Variants in MPP7 observed in about 807,000 individuals in gnomAD.
MPP7 encodes MAGUK p55 scaffold protein 7, also known as MAGUK p55 subfamily member 7.
MPP7 carries 60 observed loss-of-function variants against 76.5 expected under a neutral mutation model. That is an observed-to-expected ratio of 0.78 (90% CI 0.64 to 0.97). MPP7 has a LOEUF of 0.97. MPP7 is among the 50% of genes least tolerant of loss of function. The probability of loss-of-function intolerance (pLI) is 0.00; values close to 1 mark genes in which losing one functional copy is unlikely to be tolerated. For synonymous variants in MPP7, 237 were observed against 244.5 expected (o/e 0.97, Z 0.29); for missense variants, 641 against 694.0 (o/e 0.92, Z 0.86).
chr10:28,109,861 A>C (rs1038478053), intron 11 of MPP7, among the ~76,000 whole-genome samples: 1 of 145,806 alleles, frequency 6.9e-6, no homozygotes, highest in Admixed American at 6.9e-5. Flanking sequence ...AAAAAAAAAA[A>C]AAAAAAAAAA....
rs770687923 is a variant in MPP7, at chr10:28,119,684, C to A, written c.919G>T (p.Val307Phe). The change falls in exon 11 of 17, where the codon GTT becomes TTT. Residue 307 changes from valine to phenylalanine, a missense_variant. Transcript: ENST00000683449. Reference sequence around the variant, plus strand: ...CTGTTGGAAACTTTCAGGGGCTGAACCAATATTTCTGGTCGTCTCAAAGCC... The same window carrying A: ...CTGTTGGAAACTTTCAGGGGCTGAAACAATATTTCTGGTCGTCTCAAAGCC... Reference protein sequence around the residue: ...RLALRRPEILVQPLKVSNRKS... With the variant: ...RLALRRPEILFQPLKVSNRKS... 1.2e-6 allele frequency: 2 copies of A among 1,613,660 alleles called. No homozygotes were observed. The highest frequency in any genetic ancestry group is 1.7e-6 in the Non-Finnish European group (2 of 1,179,780).
chr10:28,118,528 C>G, intron 11 of MPP7: 1 of 985,394 alleles, frequency 1.0e-6, no homozygotes, highest in Non-Finnish European at 1.2e-6. Context: ...AGGCAAGGAG[C>G]CTCAAAGCTC....
At chr10:28,281,894 T>C (rs1278364630) in intron 1 of MPP7, 1 of 152,090 alleles carries the variant, frequency 6.6e-6, no homozygotes, top group Non-Finnish European at 1.5e-5. Context: ...CCTAACGTTT[T>C]CAGTTGCATG....
At chr10:28,315,951 A>G (rs1350612810) in intron 2 of MPP7, among the ~76,000 whole-genome samples, 1 of 152,176 alleles carries the variant, frequency 6.6e-6, no homozygotes, top group African/African-American at 2.4e-5. Context: ...AACATCAGAC[A>G]AATGCCAATC....
At chr10:28,234,209 T>C (rs1385909307) in intron 2 of MPP7, among the ~76,000 whole-genome samples, 1 of 152,066 alleles carries the variant, frequency 6.6e-6, no homozygotes, top group African/African-American at 2.4e-5. Context: ...TGAGCCCACA[T>C]TGATGGGGGT....
At chr10:28,122,342 A>T (rs1192861470) in intron 8 of MPP7, among the ~76,000 whole-genome samples, 1 of 152,196 alleles carries the variant, frequency 6.6e-6, no homozygotes, top group Non-Finnish European at 1.5e-5. Flanking sequence ...TGGATGAATG[A>T]TTATTTGATC....
chr10:28,149,906 TCTGCA>T (rs72381252), intron 4 of MPP7, 71 bp downstream of exon 4: 219,761 of 1,083,404 alleles, frequency 0.2, 22,134 homozygotes, highest in East Asian at 0.36. Context: ...CACGCATCTG[TCTGCA>T]CTAGGACAGG....
intron 1 of MPP7, among the ~76,000 whole-genome samples, chr10:28,331,416 G>T (rs1019777051): frequency 6.6e-6 from 1 of 152,036 alleles, no homozygotes; most frequent in African/African-American, 2.4e-5. Context: ...GAATTATAAG[G>T]CAAGAAACCA....
intron 1 of MPP7, among the ~76,000 whole-genome samples, chr10:28,263,947 A>G (rs117815441): frequency 0.012 from 1,796 of 152,268 alleles, 16 homozygotes; most frequent in Non-Finnish European, 0.019. Flanking sequence ...CAGAGCTTCA[A>G]TCCCCAGAAA....
At chr10:28,121,293 G>A (rs1588803453) in intron 8 of MPP7, among the ~76,000 whole-genome samples, 2 of 145,318 alleles carry the variant, frequency 1.4e-5, no homozygotes, top group Non-Finnish European at 3.0e-5. Context: ...AAAGAATAAT[G>A]TACAAGGTTC....
At chr10:28,160,831 T>C (rs909978249) in intron 3 of MPP7, among the ~76,000 whole-genome samples, 2 of 152,142 alleles carry the variant, frequency 1.3e-5, no homozygotes, top group Non-Finnish European at 2.9e-5. Context: ...AGGTGTTACT[T>C]TTCTAAAAAA....
chr10:28,191,029 T>C (rs947078672), intron 3 of MPP7, among the ~76,000 whole-genome samples: 6 of 152,130 alleles, frequency 3.9e-5, no homozygotes, highest in African/African-American at 1.4e-4. Flanking sequence ...ATTTGATAAG[T>C]TAGATGATAT....
chr10:28,266,748 T>C (rs12358648), intron 1 of MPP7, among the ~76,000 whole-genome samples: 12,969 of 152,258 alleles, frequency 0.085, 719 homozygotes, highest in Non-Finnish European at 0.12. Context: ...ACCATATGTG[T>C]ACCCCAATCA....
chr10:28,216,412 T>C (rs1308938794), intron 2 of MPP7, among the ~76,000 whole-genome samples: 2 of 152,192 alleles, frequency 1.3e-5, no homozygotes, highest in Non-Finnish European at 2.9e-5. Flanking sequence ...ATAGTATGTA[T>C]CTATTAACAA....
intron 2 of MPP7, among the ~76,000 whole-genome samples, chr10:28,235,744 A>G (rs1375257186): frequency 6.6e-6 from 1 of 152,214 alleles, no homozygotes; most frequent in East Asian, 1.9e-4. Context: ...GAAGAAAGGT[A>G]GCATGCACCA....
intron 1 of MPP7, among the ~76,000 whole-genome samples, chr10:28,245,956 G>GA (rs1001287012): frequency 6.1e-4 from 93 of 151,640 alleles, no homozygotes; most frequent in African/African-American, 2.0e-3. Flanking sequence ...GAGCAAAAGC[G>GA]AAAAAACAAT....
intron 13 of MPP7, among the ~76,000 whole-genome samples, chr10:28,063,778 T>A (rs1851887792): frequency 1.3e-5 from 2 of 152,124 alleles, no homozygotes; most frequent in African/African-American, 4.8e-5. Flanking sequence ...GCCCTGTCTG[T>A]GGAAAAACTG....
intron 11 of MPP7, among the ~76,000 whole-genome samples, chr10:28,109,876 C>T (rs1349581608): frequency 4.6e-5 from 2 of 43,602 alleles, no homozygotes; most frequent in African/African-American, 7.4e-5. Flanking sequence ...AAAAAAAACA[C>T]TTAAAACAAT....
intron 1 of MPP7, among the ~76,000 whole-genome samples, chr10:28,266,148 C>T (rs1220593185): frequency 6.6e-5 from 10 of 152,024 alleles, no homozygotes; most frequent in Admixed American, 3.3e-4. Context: ...TTAGTAGAGA[C>T]GGGTTTTCAC....
Sources: allele counts gnomAD v4.1 joint callset (sites outside exome capture counted in the v4.1 genomes callset), GRCh38; gene constraint gnomAD v4.1.1; transcripts MANE v1.5; gene names NCBI Gene and HGNC (gene_info 2026-07-23, HGNC 2026-07-21).